The following METTL25 variants were observed in gnomAD, a reference collection of about 807,000 sequenced individuals.
The protein encoded by METTL25 is probable methyltransferase-like protein 25.
Under a neutral mutation model 71.6 loss-of-function variants are expected in METTL25, and 64 were observed. The observed-to-expected ratio is 0.89, with a 90% CI of 0.73 to 1.10. The LOEUF (loss-of-function observed/expected upper bound fraction) is 1.10, where lower values mean the gene tolerates loss of function less well. METTL25 is among the 50% of genes least tolerant of loss of function. METTL25 has a pLI of 0.00. For missense variants in METTL25, 807 were observed against 707.0 expected (o/e 1.14, Z -1.60); for synonymous variants, 287 against 250.3 (o/e 1.15, Z -1.38).
chr12:82,383,212 T>C (rs1261289118), intron 1 of METTL25, among the ~76,000 whole-genome samples: 1 of 152,078 alleles, frequency 6.6e-6, no homozygotes, highest in African/African-American at 2.4e-5. Context: ...TCTTGGTCTG[T>C]CACCCAGGCT....
intron 5 of METTL25, among the ~76,000 whole-genome samples, chr12:82,429,690 A>G (rs886316841): frequency 3.3e-5 from 5 of 151,664 alleles, no homozygotes; most frequent in African/African-American, 1.2e-4. Context: ...AGTGATGTTC[A>G]GCATTTTTTC....
chr12:82,449,840 G>A (rs1891015480), intron 8 of METTL25, among the ~76,000 whole-genome samples: 1 of 151,826 alleles, frequency 6.6e-6, no homozygotes, highest in South Asian at 2.1e-4. Flanking sequence ...ACTGTCCTAT[G>A]TTGGTTCTTT....
rs143662103 is a variant in METTL25 at position 82,363,994 on chromosome 12, A to G, written c.259+5170A>G. 1.2e-4 allele frequency among the ~76,000 whole-genome samples: 19 copies of G among 152,392 alleles called. No individual in the cohort carries two copies. In the East Asian group the frequency reaches 3.5e-3, roughly 28 times the overall value. ...CTATGGTATTAAGGAATATTTAATT[A>G]TAGTACCTACTTTATGCCCCTTTGA... On this transcript the variant is annotated intron_variant, in intron 1 of 11. Coordinates refer to ENST00000248306, the MANE Select transcript of METTL25 (RefSeq NM_032230.3).
Position 82,403,051 on chromosome 12 carries a change from C to T in METTL25, c.1200C>T (p.Ser400=), listed in dbSNP as rs1886776542. ...LAPNTLRIFT[S]NSEIKGVCSV... ...CAAATACTTTGCGAATATTTACCTC[C>T]AACTCTGAAATCAAGGGAGTTTGCA... is the stretch of plus-strand genomic sequence containing the variant. The change falls in exon 5 of 12, where the codon TCC becomes TCT. Residue 400 remains serine, a synonymous_variant. Coordinates refer to ENST00000248306, the MANE Select transcript of METTL25 (RefSeq NM_032230.3). 1 of 1,613,262 alleles carries T rather than the reference C, an allele frequency of 6.2e-7. No individual in the cohort carries two copies. Among genetic ancestry groups the T allele is most frequent in the Admixed American group, 1.7e-5 (1 of 59,930 alleles).
intron 5 of METTL25, among the ~76,000 whole-genome samples, chr12:82,410,192 A>C (rs945419734): frequency 5.3e-5 from 8 of 152,112 alleles, no homozygotes; most frequent in African/African-American, 1.7e-4. Context: ...CGTCATATCA[A>C]ATATTCTATA....
At chr12:82,427,425 T>C (rs1889118217) in intron 5 of METTL25, among the ~76,000 whole-genome samples, 1 of 151,956 alleles carries the variant, frequency 6.6e-6, no homozygotes, top group Non-Finnish European at 1.5e-5. Context: ...CTTCTAATAA[T>C]ATACCCTTTC....
chr12:82,417,516 A>T (rs1888086937), intron 5 of METTL25, among the ~76,000 whole-genome samples: 5 of 152,280 alleles, frequency 3.3e-5, no homozygotes, highest in South Asian at 2.1e-4. Flanking sequence ...CTTGCTATGC[A>T]CCTACATATA....
intron 5 of METTL25, among the ~76,000 whole-genome samples, chr12:82,404,401 T>C (rs1886904129): frequency 6.6e-6 from 1 of 152,152 alleles, no homozygotes; most frequent in Admixed American, 6.5e-5. Flanking sequence ...TATACCCACA[T>C]ATTTACATTA....
chr12:82,418,064 G>A (rs1888143428), intron 5 of METTL25, among the ~76,000 whole-genome samples: 1 of 152,136 alleles, frequency 6.6e-6, no homozygotes, highest in African/African-American at 2.4e-5. Flanking sequence ...CCATATGGAA[G>A]GTGGCGATAG....
chr12:82,470,784 C>T (rs1376437462), intron 9 of METTL25, among the ~76,000 whole-genome samples: 1 of 152,094 alleles, frequency 6.6e-6, no homozygotes, highest in Non-Finnish European at 1.5e-5. Context: ...TGTTATTTTT[C>T]ACAATTCAAT....
At chr12:82,463,875 G>T (rs1400211991) in intron 9 of METTL25, among the ~76,000 whole-genome samples, 2 of 151,700 alleles carry the variant, frequency 1.3e-5, no homozygotes, top group Admixed American at 1.3e-4. Flanking sequence ...CTGGCCATTT[G>T]TATGTCTTCT....
At chr12:82,380,121 G>A (rs137888674) in intron 1 of METTL25, among the ~76,000 whole-genome samples, 137 of 152,212 alleles carry the variant, frequency 9.0e-4, no homozygotes, top group African/African-American at 2.1e-3. Flanking sequence ...GTTCTAGGCT[G>A]CGTGTTAGGA....
chr12:82,359,442 T>A (rs1160527904), intron 1 of METTL25, among the ~76,000 whole-genome samples: 3 of 152,080 alleles, frequency 2.0e-5, no homozygotes, highest in African/African-American at 4.8e-5. Context: ...TTGGAAGGAT[T>A]TTGGATTTTA....
At chr12:82,418,176 A>G (rs769984262) in intron 5 of METTL25, among the ~76,000 whole-genome samples, 2 of 152,292 alleles carry the variant, frequency 1.3e-5, no homozygotes, top group African/African-American at 2.4e-5. Flanking sequence ...AGCAAAGTAT[A>G]TATCAATGGC....
rs1046626353 is a variant in METTL25 at position 82,423,659 on chromosome 12, T to C, written c.1280-7234T>C. On this transcript the variant is annotated intron_variant, in intron 5 of 11. Transcript: ENST00000248306. ...ATCTACTCATCTGACAAAGGGCTAA[T>C]ATCCAGAATCTACAATGAACTCAAA... Among the ~76,000 whole-genome samples the C allele has an allele frequency of 9.9e-5, 15 of 152,132 alleles. 1 individual carries two copies. The highest frequency in any genetic ancestry group is 4.1e-4 in the South Asian group (2 of 4,826).
chr12:82,460,628 A>G (rs1891798556), intron 9 of METTL25, among the ~76,000 whole-genome samples: 2 of 152,230 alleles, frequency 1.3e-5, no homozygotes, highest in Non-Finnish European at 2.9e-5. Context: ...GTGGAGAAAC[A>G]TTCTACAAAA....
At chr12:82,428,632 A>G (rs1182964358) in intron 5 of METTL25, among the ~76,000 whole-genome samples, 1 of 151,770 alleles carries the variant, frequency 6.6e-6, no homozygotes, top group Non-Finnish European at 1.5e-5. Flanking sequence ...TTGTAACTGA[A>G]ATTGTTTGTT....
At chr12:82,450,832 T>G (rs1051124282) in intron 8 of METTL25, among the ~76,000 whole-genome samples, 5 of 152,160 alleles carry the variant, frequency 3.3e-5, no homozygotes, top group Non-Finnish European at 7.4e-5. Context: ...GATAGTCTCT[T>G]GGTTAGCTCA....
intron 9 of METTL25, chr12:82,476,408 AATGGG>A: frequency 2.5e-6 from 1 of 401,508 alleles, no homozygotes; most frequent in Non-Finnish European, 4.4e-6. Context: ...AAACAATATT[AATGGG>A]ATGTTGCTGG....
Sources: allele counts gnomAD v4.1 joint callset (sites outside exome capture counted in the v4.1 genomes callset), GRCh38; gene constraint gnomAD v4.1.1; transcripts MANE v1.5; gene names NCBI Gene and HGNC (gene_info 2026-07-23, HGNC 2026-07-21).